RELN: variants seen among roughly 807,000 people sequenced by gnomAD.
RELN encodes reelin.
Under a neutral mutation model 427.6 loss-of-function variants are expected in RELN, and 108 were observed. That is an observed-to-expected ratio of 0.25 (90% CI 0.22 to 0.30). The LOEUF is 0.30. RELN is among the 10% of genes least tolerant of loss of function. The probability of loss-of-function intolerance (pLI) is 1.00; values close to 1 mark genes in which losing one functional copy is unlikely to be tolerated. For missense variants in RELN, 3,715 were observed against 4,302.8 expected (o/e 0.86, Z 3.82); for synonymous variants, 1,524 against 1,513.4 (o/e 1.01, Z -0.16).
At chr7:103,961,703 C>T (rs1386722098) in intron 1 of RELN, among the ~76,000 whole-genome samples, 2 of 152,146 alleles carry the variant, frequency 1.3e-5, no homozygotes, top group African/African-American at 4.8e-5. Context: ...CTCTTATTAC[C>T]TCTAAGGCCT....
chr7:103,710,331 G>T (rs1407395906), intron 8 of RELN, among the ~76,000 whole-genome samples: 1 of 152,146 alleles, frequency 6.6e-6, no homozygotes, highest in African/African-American at 2.4e-5. Flanking sequence ...AGAAGAAGCT[G>T]AGTTGGAAAT....
At chr7:103,537,796 C>A (rs1171998676) in intron 45 of RELN, among the ~76,000 whole-genome samples, 2 of 152,192 alleles carry the variant, frequency 1.3e-5, no homozygotes, top group Non-Finnish European at 2.9e-5. Flanking sequence ...AGCTTCTTTG[C>A]TTCTGCTTAC....
chr7:103,904,432 C>G (rs1458893564), intron 2 of RELN, among the ~76,000 whole-genome samples: 1 of 152,136 alleles, frequency 6.6e-6, no homozygotes, highest in Non-Finnish European at 1.5e-5. Flanking sequence ...GATCGCCACA[C>G]TGTCTTCCAC....
chr7:103,529,456 C>T (rs951731805), intron 46 of RELN, among the ~76,000 whole-genome samples: 1 of 152,016 alleles, frequency 6.6e-6, no homozygotes, highest in East Asian at 1.9e-4. Flanking sequence ...CTCCCTTTCT[C>T]GGTGGATTTG....
At chr7:103,599,476 A>G (rs558261618) in intron 24 of RELN, among the ~76,000 whole-genome samples, 1 of 152,240 alleles carries the variant, frequency 6.6e-6, no homozygotes, top group East Asian at 1.9e-4. Context: ...TGATTTGTAA[A>G]TGTCTAGTGC....
rs529118490 is a variant in RELN, at chr7:103,905,396, G to C, written c.337+11679C>G. On this transcript the variant is annotated intron_variant, in intron 2 of 64. Coordinates refer to ENST00000428762, the MANE Select transcript of RELN (RefSeq NM_005045.4). ...GTAGCCAGGATGATCAATTTCCCCAGGACCTCTTTTCATAAGATTAACATA... is the reference window on the plus strand; with the variant it reads ...GTAGCCAGGATGATCAATTTCCCCACGACCTCTTTTCATAAGATTAACATA... Among the ~76,000 whole-genome samples the C allele has an allele frequency of 2.0e-5, 3 of 152,218 alleles. No homozygotes were observed. The South Asian group carries it at 6.2e-4, about 32-fold the overall frequency.
intron 1 of RELN, among the ~76,000 whole-genome samples, chr7:103,966,273 G>A (rs1796659030): frequency 6.6e-6 from 1 of 152,026 alleles, no homozygotes; most frequent in Non-Finnish European, 1.5e-5. Context: ...GCAGCTCAGG[G>A]TACAAGGTGG....
At chr7:103,575,457 A>G in intron 29 of RELN, 91 bp downstream of exon 29, 1 of 1,369,992 alleles carries the variant, frequency 7.3e-7, no homozygotes. Flanking sequence ...ATAAATTCAG[A>G]ATTTATTTCT....
At position 103,630,062 on chromosome 7, in the gene RELN, G is replaced by A. The variant is rs149804405; in HGVS notation, c.2580C>T (p.Ile860=). Residue 860 remains isoleucine (I), a synonymous_variant, in exon 20 of 65, where the codon ATC becomes ATT. Transcript: ENST00000428762. ...REDVWAIDEI[I]MTSVLFNSIS... is the part of the protein sequence containing the mutation. ...TGCTGTTGAAAAGCACAGATGTCATGATAATCTCATCAATAGCCCATACAT... is the reference window on the plus strand; with the variant it reads ...TGCTGTTGAAAAGCACAGATGTCATAATAATCTCATCAATAGCCCATACAT... The A allele has an allele frequency of 3.5e-5, 57 of 1,612,972 alleles. No individual in the cohort carries two copies. The highest frequency in any genetic ancestry group is 4.7e-5 in the Non-Finnish European group (56 of 1,179,180).
intron 19 of RELN, among the ~76,000 whole-genome samples, chr7:103,632,536 C>G (rs1467429597): frequency 6.6e-6 from 1 of 152,160 alleles, no homozygotes; most frequent in African/African-American, 2.4e-5. Context: ...TTCTTAACTT[C>G]TACATCGTAT....
intron 3 of RELN, among the ~76,000 whole-genome samples, chr7:103,831,566 T>C (rs17156468): frequency 0.14 from 21,293 of 152,034 alleles, 1,864 homozygotes; most frequent in East Asian, 0.36. Flanking sequence ...TACAGAAGAG[T>C]TGGCATTTAA....
In RELN at chr7:103,788,187, C is replaced by T. The variant is rs181655093; in HGVS notation, c.474-11560G>A. ...TAAACTAGGTATTGATGGAATGTAT[C>T]TCAAAATAATAAGAGCTATTTATGA... On this transcript the variant is annotated intron_variant, in intron 3 of 64. Coordinates refer to ENST00000428762, the MANE Select transcript of RELN (RefSeq NM_005045.4). Among the ~76,000 whole-genome samples the T allele has an allele frequency of 1.4e-3, 207 of 152,250 alleles. 1 individual carries two copies. The highest frequency in any genetic ancestry group is 4.8e-3 in the African/African-American group (200 of 41,536).
At chr7:103,888,612 C>G (rs1386680986) in intron 2 of RELN, among the ~76,000 whole-genome samples, 1 of 152,158 alleles carries the variant, frequency 6.6e-6, no homozygotes, top group Non-Finnish European at 1.5e-5. Context: ...AAAGAAGACT[C>G]CCTGGCAGAG....
chr7:103,568,170 C>T (rs941085850), intron 31 of RELN, among the ~76,000 whole-genome samples: 1 of 152,150 alleles, frequency 6.6e-6, no homozygotes, highest in Non-Finnish European at 1.5e-5. Flanking sequence ...TCTTGACTAA[C>T]TAGAACTTCT....
intron 20 of RELN, among the ~76,000 whole-genome samples, chr7:103,627,236 T>C (rs1282133385): frequency 6.6e-6 from 1 of 152,134 alleles, no homozygotes; most frequent in African/African-American, 2.4e-5. Flanking sequence ...TACTTAAATA[T>C]GTTTAAATAA....
rs191104783 is a variant in RELN at position 103,620,720 on chromosome 7, C to T, written c.2703-8917G>A. Among the ~76,000 whole-genome samples, 822 of 152,142 alleles carry T rather than the reference C, an allele frequency of 5.4e-3. 3 individuals are homozygous for T. The highest frequency in any genetic ancestry group is 0.011 in the Admixed American group (169 of 15,282). On this transcript the variant is annotated intron_variant, in intron 20 of 64. Coordinates refer to ENST00000428762, the MANE Select transcript of RELN (RefSeq NM_005045.4). This position sits in a 1 kb window ranked among gnomAD's most constrained non-coding sequence, Gnocchi z 4.1. ...AACTCCTGACCTCAAGTGATCTGCC[C>T]GCCTCAGCCTCCCAAAGTGCTGGGA...
At position 103,566,308 on chromosome 7, in the gene RELN, C is replaced by T. The variant is rs1179125838; in HGVS notation, c.4852G>A (p.Ala1618Thr). ...DKFDGSIDLQ[A>T]NWYRIQGGQV... ...CCTCCTTGGATTCGATACCAGTTGG[C>T]TTGCAAATCTATAGAGCCATCAAAT... The change falls in exon 33 of 65, where the codon GCC (alanine) becomes ACC (threonine). Residue 1618 changes from alanine (A) to threonine (T), a missense_variant. Physicochemically the swap from Ala to Thr is moderately conservative, Grantham distance 58. Coordinates refer to ENST00000428762, the MANE Select transcript of RELN (RefSeq NM_005045.4). 2 of 1,614,042 alleles carry T rather than the reference C, an allele frequency of 1.2e-6. No individual in the cohort carries two copies. The highest frequency in any genetic ancestry group is 8.5e-7 in the Non-Finnish European group (1 of 1,179,966).
At chr7:103,857,912 T>C (rs569477087) in intron 2 of RELN, among the ~76,000 whole-genome samples, 1 of 152,160 alleles carries the variant, frequency 6.6e-6, no homozygotes, top group Non-Finnish European at 1.5e-5. Context: ...TTTTGGTTAA[T>C]TTTTTACATT....
rs201156261 is a variant in RELN, at chr7:103,629,969, C to T, written c.2673G>A (p.Gln891=). The T allele has an allele frequency of 3.7e-6, 6 of 1,612,966 alleles. No individual in the cohort carries two copies. The African/African-American group carries it at 6.7e-5, about 18-fold the overall frequency. ...GGGTCCAGTCGTGGCCACAGTATGG[C>T]TGAACATTTCCAAGGTAGAATCCCA... ...QSLGFYLGNV[Q]PYCGHDWTLC... The change falls in exon 20 of 65, where the codon CAG becomes CAA. Residue 891 remains glutamine (Q), a synonymous_variant. Transcript: ENST00000428762.
Sources: gnomAD v4.1 joint callset for allele counts (sites outside exome capture counted in the v4.1 genomes callset) on GRCh38, gnomAD v4.1.1 for gene constraint, Gnocchi (gnomAD v3.1) non-coding constraint, MANE v1.5 for transcripts, NCBI Gene and HGNC (gene_info 2026-07-23, HGNC 2026-07-21) for gene names.